The following CNTNAP2 variants were observed in gnomAD, a reference collection of about 807,000 sequenced individuals.
CNTNAP2 encodes the protein contactin associated protein 2.
In CNTNAP2, 98 loss-of-function variants were observed where a neutral mutation model predicts 155.2. That is an observed-to-expected ratio of 0.63 (90% CI 0.54 to 0.75). The LOEUF (loss-of-function observed/expected upper bound fraction) is 0.75. Ranked by LOEUF, CNTNAP2 falls within the 30% of genes least tolerant of loss-of-function variation. The pLI, the probability that CNTNAP2 is intolerant of heterozygous loss-of-function variation, is 0.00. For missense variants in CNTNAP2, 1,727 were observed against 1,688.1 expected, an observed-to-expected ratio of 1.02 and a Z score of -0.40; for synonymous variants, 651 against 631.2, an observed-to-expected ratio of 1.03 and a Z score of -0.47.
chr7:146,229,165 A>G (rs550422621), intron 1 of CNTNAP2, among the ~76,000 whole-genome samples: 75 of 152,318 alleles, frequency 4.9e-4, no homozygotes, highest in Non-Finnish European at 9.6e-4. Context: ...AAAATATTCA[A>G]TGAATTGCCA....
chr7:147,720,009 T>A (rs2117026212), intron 13 of CNTNAP2, among the ~76,000 whole-genome samples: 1 of 152,164 alleles, frequency 6.6e-6, no homozygotes, highest in South Asian at 2.1e-4. Context: ...CACTCCTGTA[T>A]TCTGTGTGTT....
At chr7:148,329,460 A>T (rs1365302712) in intron 21 of CNTNAP2, among the ~76,000 whole-genome samples, 1 of 152,068 alleles carries the variant, frequency 6.6e-6, no homozygotes, top group Non-Finnish European at 1.5e-5. Context: ...TACTAGGAGG[A>T]TGGGGAAGAC....
intron 2 of CNTNAP2, among the ~76,000 whole-genome samples, chr7:146,834,763 A>T (rs1337150051): frequency 6.6e-6 from 1 of 152,114 alleles, no homozygotes; most frequent in Non-Finnish European, 1.5e-5. Flanking sequence ...TTGACGTCCA[A>T]CCACTTTCTT....
In CNTNAP2 at chr7:147,238,791, C is replaced by T. The variant is rs368064443; in HGVS notation, c.1349-61350C>T. Reference sequence around the variant, plus strand: ...ACCATTTATTCTCCCTTTCTGTTATCAGATACAGATTCAGCAATTAATTTC... The same window carrying T: ...ACCATTTATTCTCCCTTTCTGTTATTAGATACAGATTCAGCAATTAATTTC... On this transcript the variant is annotated intron_variant, in intron 8 of 23. Coordinates refer to ENST00000361727, the MANE Select transcript of CNTNAP2 (RefSeq NM_014141.6). 4.5e-3 allele frequency among the ~76,000 whole-genome samples: 685 copies of T among 152,286 alleles called. 1 individual carries two copies. The highest frequency in any genetic ancestry group is 0.014 in the South Asian group (68 of 4,828).
At chr7:147,066,462 G>T (rs1349351251) in intron 4 of CNTNAP2, among the ~76,000 whole-genome samples, 1 of 152,122 alleles carries the variant, frequency 6.6e-6, no homozygotes, top group Non-Finnish European at 1.5e-5. Flanking sequence ...ATATCACACT[G>T]GAAATTGTTT....
chr7:147,798,258 T>C (rs1387054593), intron 13 of CNTNAP2, among the ~76,000 whole-genome samples: 3 of 152,164 alleles, frequency 2.0e-5, no homozygotes, highest in Non-Finnish European at 2.9e-5. Context: ...TTTTCCCTTA[T>C]GGATACCACC....
At chr7:147,427,076 G>T in intron 10 of CNTNAP2, among the ~76,000 whole-genome samples, 1 of 152,110 alleles carries the variant, frequency 6.6e-6, no homozygotes, top group Non-Finnish European at 1.5e-5. Context: ...GATGGGGATT[G>T]CTCTTCTTCC....
intron 4 of CNTNAP2, among the ~76,000 whole-genome samples, chr7:147,106,101 G>T (rs528803810): frequency 6.6e-6 from 1 of 152,120 alleles, no homozygotes; most frequent in African/African-American, 2.4e-5. Flanking sequence ...CTGAGTAAAA[G>T]CTCAGGGAAC....
At chr7:146,309,214 G>A (rs760941548) in intron 1 of CNTNAP2, among the ~76,000 whole-genome samples, 5 of 151,982 alleles carry the variant, frequency 3.3e-5, no homozygotes, top group Non-Finnish European at 5.9e-5. Context: ...TTTTAACTTC[G>A]GAGCGAGTCA....
At chr7:146,633,885 T>C (rs1563165307) in intron 1 of CNTNAP2, among the ~76,000 whole-genome samples, 1 of 145,184 alleles carries the variant, frequency 6.9e-6, no homozygotes, top group Non-Finnish European at 1.5e-5. Context: ...AGGAAGTCAG[T>C]AGGTGTACTT....
At chr7:146,527,033 C>A (rs897003955) in intron 1 of CNTNAP2, among the ~76,000 whole-genome samples, 14 of 151,924 alleles carry the variant, frequency 9.2e-5, no homozygotes, top group Non-Finnish European at 1.6e-4. Flanking sequence ...GGATTACAGG[C>A]CACCCTGCCT....
intron 21 of CNTNAP2, among the ~76,000 whole-genome samples, chr7:148,344,779 T>C (rs1018652847): frequency 6.6e-6 from 1 of 152,252 alleles, no homozygotes. Flanking sequence ...TGAAGAATTA[T>C]AATTAAATGC....
intron 1 of CNTNAP2, among the ~76,000 whole-genome samples, chr7:146,612,508 G>A (rs967601117): frequency 2.0e-5 from 3 of 151,414 alleles, no homozygotes; most frequent in Non-Finnish European, 4.4e-5. Flanking sequence ...AGGAAATCAA[G>A]CCAGAGATTA....
At chr7:146,569,004 TTTTAATTA>T (rs1210512384) in intron 1 of CNTNAP2, among the ~76,000 whole-genome samples, 2 of 147,336 alleles carry the variant, frequency 1.4e-5, no homozygotes, top group African/African-American at 5.3e-5. Context: ...TTTTTTTTAT[TTTTAATTA>T]TTTATTTATT....
At chr7:147,389,141 G>A (rs1034849654) in intron 9 of CNTNAP2, among the ~76,000 whole-genome samples, 5 of 151,952 alleles carry the variant, frequency 3.3e-5, no homozygotes, top group Admixed American at 6.6e-5. Flanking sequence ...TTTTGACTAA[G>A]TTATTCAGGA....
At chr7:146,319,683 T>C (rs1486939247) in intron 1 of CNTNAP2, among the ~76,000 whole-genome samples, 1 of 152,232 alleles carries the variant, frequency 6.6e-6, no homozygotes, top group Non-Finnish European at 1.5e-5. Context: ...TTCTGTTTGA[T>C]GTTCATTAAC....
intron 1 of CNTNAP2, among the ~76,000 whole-genome samples, chr7:146,409,329 A>G (rs140659147): frequency 0.011 from 1,704 of 152,332 alleles, 19 homozygotes; most frequent in Middle Eastern, 0.02. Context: ...GAAATCACCT[A>G]AAAACTAGCC....
At chr7:148,203,370 C>CATCT (rs1207596090) in intron 18 of CNTNAP2, among the ~76,000 whole-genome samples, 3 of 152,202 alleles carry the variant, frequency 2.0e-5, no homozygotes, top group African/African-American at 7.2e-5. Flanking sequence ...TGTTCTCCAG[C>CATCT]ATCTGCACAT....
At chr7:147,968,256 A>G (rs753385884) in intron 14 of CNTNAP2, among the ~76,000 whole-genome samples, 24 of 152,246 alleles carry the variant, frequency 1.6e-4, no homozygotes, top group Non-Finnish European at 2.9e-4. Flanking sequence ...TTCTAAGAGA[A>G]GTCTAAATTG....
Sources: gnomAD v4.1 joint callset for allele counts (sites outside exome capture counted in the v4.1 genomes callset) on GRCh38, gnomAD v4.1.1 for gene constraint, MANE v1.5 for transcripts, NCBI Gene and HGNC (gene_info 2026-07-23, HGNC 2026-07-21) for gene names.